Variants in DPP10 observed in about 807,000 individuals in gnomAD.
The protein encoded by DPP10 is inactive dipeptidyl peptidase 10.
Under a neutral mutation model 120.9 loss-of-function variants are expected in DPP10, and 33 were observed. That is an observed-to-expected ratio of 0.27 (90% CI 0.21 to 0.37). The LOEUF is 0.37. Ranked by LOEUF, DPP10 falls within the 10% of genes least tolerant of loss-of-function variation. The pLI is 1.00. For synonymous variants in DPP10, 337 were observed against 326.1 expected (o/e 1.03, Z -0.36); for missense variants, 816 against 942.8 (o/e 0.87, Z 1.76).
intron 2 of DPP10, among the ~76,000 whole-genome samples, chr2:115,336,136 T>C (rs1272674032): frequency 6.6e-6 from 1 of 152,082 alleles, no homozygotes; most frequent in Non-Finnish European, 1.5e-5. Flanking sequence ...AGTTGAATGC[T>C]GAAGAACTTT....
chr2:115,219,322 A>G (rs2057010854), intron 1 of DPP10, among the ~76,000 whole-genome samples: 1 of 152,276 alleles, frequency 6.6e-6, no homozygotes, highest in East Asian at 1.9e-4. Flanking sequence ...TCATTACATA[A>G]TAGGAACACA....
chr2:114,763,643 G>T (rs1680468026), intron 1 of DPP10, among the ~76,000 whole-genome samples: 1 of 152,048 alleles, frequency 6.6e-6, no homozygotes, highest in African/African-American at 2.4e-5. Context: ...AAAGAATCTG[G>T]TAGTGTTAAT....
intron 1 of DPP10, chr2:114,834,044 T>C (rs1558789696): frequency 6.6e-6 from 1 of 151,802 alleles, no homozygotes; most frequent in Admixed American, 6.6e-5. Context: ...CACACCTATG[T>C]ATATATAAGC....
chr2:114,882,408 A>G (rs944951685), intron 1 of DPP10, among the ~76,000 whole-genome samples: 1 of 152,152 alleles, frequency 6.6e-6, no homozygotes, highest in Non-Finnish European at 1.5e-5. Flanking sequence ...ACTCAGGAAT[A>G]GAAAACAAAG....
At chr2:115,113,428 G>T (rs141002503) in intron 1 of DPP10, among the ~76,000 whole-genome samples, 3 of 151,362 alleles carry the variant, frequency 2.0e-5, no homozygotes, top group Admixed American at 6.6e-5. Context: ...TCTTAGACAC[G>T]TTTTTTGCTC....
At chr2:114,797,210 C>T (rs1175761977) in intron 1 of DPP10, among the ~76,000 whole-genome samples, 2 of 152,100 alleles carry the variant, frequency 1.3e-5, no homozygotes, top group African/African-American at 2.4e-5. Flanking sequence ...TCCAGAGGAA[C>T]CAAGACCAGA....
chr2:114,981,986 C>T (rs1249112666), intron 1 of DPP10, among the ~76,000 whole-genome samples: 1 of 151,726 alleles, frequency 6.6e-6, no homozygotes, highest in African/African-American at 2.4e-5. Flanking sequence ...CTTCCACCTC[C>T]TGGGTTCAAG....
In DPP10 at chr2:114,653,839, T is replaced by G. The variant is rs558411885; in HGVS notation, c.60+211001T>G. Among the ~76,000 whole-genome samples, 8 of 152,304 alleles carry G rather than the reference T, an allele frequency of 5.3e-5. No individual in the cohort carries two copies. In the East Asian group the frequency reaches 1.5e-3, roughly 29 times the overall value. On this transcript the variant is annotated intron_variant, in intron 1 of 25. Coordinates refer to ENST00000410059, the MANE Select transcript of DPP10 (RefSeq NM_020868.6). Reference sequence around the variant, plus strand: ...TGTGGATTAAATAAAATACTGGACATGCAAAAGAAGATTCTCTTCGGGAAT... The same window carrying G: ...TGTGGATTAAATAAAATACTGGACAGGCAAAAGAAGATTCTCTTCGGGAAT...
chr2:115,770,581 C>T (rs1681340826), intron 13 of DPP10, among the ~76,000 whole-genome samples: 1 of 151,964 alleles, frequency 6.6e-6, no homozygotes, highest in Non-Finnish European at 1.5e-5. Flanking sequence ...GAAGTCAGTG[C>T]TAGGTAAATA....
At chr2:115,180,692 A>C (rs942781892) in intron 1 of DPP10, among the ~76,000 whole-genome samples, 1 of 152,188 alleles carries the variant, frequency 6.6e-6, no homozygotes, top group African/African-American at 2.4e-5. Context: ...ACATCTAACC[A>C]TGACATCCTC....
intron 7 of DPP10, among the ~76,000 whole-genome samples, chr2:115,715,575 T>G (rs910741470): frequency 6.6e-6 from 1 of 152,132 alleles, no homozygotes; most frequent in Non-Finnish European, 1.5e-5. Context: ...CTTATCCTTC[T>G]CATGTTAAAT....
At chr2:115,509,256 G>A (rs1202158686) in intron 4 of DPP10, among the ~76,000 whole-genome samples, 1 of 152,152 alleles carries the variant, frequency 6.6e-6, no homozygotes, top group Non-Finnish European at 1.5e-5. Context: ...GACTTAGGCA[G>A]TGCCAGCAGA....
intron 1 of DPP10, among the ~76,000 whole-genome samples, chr2:114,837,265 G>A (rs1262084011): frequency 1.3e-5 from 2 of 152,108 alleles, no homozygotes; most frequent in South Asian, 2.1e-4. Context: ...ATTAATTTGG[G>A]GAACTAATAA....
At chr2:115,836,781 G>A (rs146499886) in intron 24 of DPP10, 35 bp downstream of exon 24, 13 of 1,587,024 alleles carry the variant, frequency 8.2e-6, no homozygotes, top group South Asian at 4.6e-5. Context: ...GTTTGATAGG[G>A]TATGACCTTT....
intron 1 of DPP10, among the ~76,000 whole-genome samples, chr2:115,213,443 A>G (rs924484609): frequency 2.0e-5 from 3 of 152,152 alleles, no homozygotes; most frequent in Non-Finnish European, 2.9e-5. Context: ...TTTGTCTTAT[A>G]TCAGGTATTC....
chr2:115,098,587 C>G (rs2048521210), intron 1 of DPP10, among the ~76,000 whole-genome samples: 1 of 152,002 alleles, frequency 6.6e-6, no homozygotes, highest in Non-Finnish European at 1.5e-5. Context: ...AAAAAAGGTA[C>G]AGTAAAAATT....
intron 5 of DPP10, among the ~76,000 whole-genome samples, chr2:115,590,116 C>CT (rs35289540): frequency 3.9e-4 from 54 of 140,196 alleles, no homozygotes; most frequent in Admixed American, 7.9e-4. Context: ...CTTTCCTTTT[C>CT]TTTTTTTTTT....
chr2:115,470,345 A>G (rs1460816078), intron 3 of DPP10, among the ~76,000 whole-genome samples: 1 of 152,144 alleles, frequency 6.6e-6, no homozygotes, highest in Non-Finnish European at 1.5e-5. Context: ...AATGTGGTGA[A>G]CCTCATTTAT....
chr2:114,696,456 T>A (rs1484803521), intron 1 of DPP10, among the ~76,000 whole-genome samples: 2 of 152,084 alleles, frequency 1.3e-5, no homozygotes, highest in Non-Finnish European at 2.9e-5. Context: ...CTTCCATCCG[T>A]AAAGACAATT....
Sources: allele counts gnomAD v4.1 joint callset (sites outside exome capture counted in the v4.1 genomes callset), GRCh38; gene constraint gnomAD v4.1.1; transcripts MANE v1.5; gene names NCBI Gene and HGNC (gene_info 2026-07-23, HGNC 2026-07-21).